The following PHKG2 variants were observed in gnomAD, a reference collection of about 807,000 sequenced individuals.
The protein encoded by PHKG2 is phosphorylase kinase catalytic subunit gamma 2.
In PHKG2, 28 loss-of-function variants were observed where a neutral mutation model predicts 44.5. That is an observed-to-expected ratio of 0.63 (90% CI 0.47 to 0.86). The LOEUF is 0.86. Ranked by LOEUF, PHKG2 falls within the 40% of genes least tolerant of loss-of-function variation. PHKG2 has a pLI of 0.00. For missense variants in PHKG2, 498 were observed against 547.5 expected (o/e 0.91, Z 0.90); for synonymous variants, 220 against 211.2 (o/e 1.04, Z -0.36).
In PHKG2 at chr16:30,760,137, G is replaced by C. The variant is rs1199335849; in HGVS notation, c.*3040G>C. 5 of 1,562,498 alleles carry C rather than the reference G, an allele frequency of 3.2e-6. No homozygotes were observed. The highest frequency in any genetic ancestry group is 3.4e-6 in the Non-Finnish European group (4 of 1,160,622). On this transcript the variant is annotated 3_prime_UTR_variant, in exon 10 of 10. Transcript: ENST00000563588. Reference sequence around the variant, plus strand: ...TTTCTAGATAAGGAAGCAGTGGATTGGAAAGCTGATGGCTTGTGTATGATG... The same window carrying C: ...TTTCTAGATAAGGAAGCAGTGGATTCGAAAGCTGATGGCTTGTGTATGATG...
rs139907701 is a variant in PHKG2 at position 30,759,449 on chromosome 16, A to C, written c.*2352A>C. On this transcript the variant is annotated 3_prime_UTR_variant, in exon 10 of 10. Transcript: ENST00000563588. ...TCCTCTTTGAAGAGGTCGATGCTGA[A>C]AGGAGGCCGCTGTGGTGGTGACTCG... 4.0e-4 allele frequency: 651 copies of C among 1,614,234 alleles called. 2 individuals are homozygous for C. The African/African-American group carries it at 7.6e-3, about 19-fold the overall frequency.
At position 30,749,079 on chromosome 16, in the gene PHKG2, GTGGTGGTGGTGCTGCTGCTGCTGCTGC is replaced by G. The variant is rs1567259450; in HGVS notation, c.95+167_95+193del. Among the ~76,000 whole-genome samples, 4 of 25,676 alleles carry G rather than the reference GTGGTGGTGGTGCTGCTGCTGCTGCTGC, an allele frequency of 1.6e-4. 1 individual carries two copies. Among genetic ancestry groups the G allele is most frequent in the Non-Finnish European group, 3.7e-4 (4 of 10,836 alleles). The allele number at this position is 25,676 out of a possible 152,430, so 16.8% of individuals were successfully genotyped here. ...GGTGGTGGTGGTGGTGGTGGTGGTG[GTGGTGGTGGTGCTGCTGCTGCTGCTGC>G]TGCTGGTGGTGCTGGTGCTGGTGGT... On this transcript the variant is annotated intron_variant, in intron 2 of 9. Transcript: ENST00000563588.
At chr16:30,753,331 AG>A in intron 5 of PHKG2, 34 bp downstream of exon 5, 1 of 1,612,326 alleles carries the variant, frequency 6.2e-7, no homozygotes, top group Non-Finnish European at 8.5e-7. Context: ...AGGGGTGAGC[AG>A]GGGGTGGGAC....
In PHKG2 at chr16:30,756,977, GCA is replaced by G; in HGVS notation, c.1102_1103del (p.Gln368GlufsTer20). ...GGCACTGGGTAAAGAAAGGGGAGCA[GCA>G]GAACCGGGCGGCTCTCTTTCAGCAC... ...YGHWVKKGEQ[Q>X]NRAALFQHRP... On this transcript the variant is annotated frameshift_variant, in exon 10 of 10. Coordinates refer to ENST00000563588, the MANE Select transcript of PHKG2 (RefSeq NM_000294.3). LOFTEE classifies it low-confidence loss of function (END_TRUNC). 1.2e-6 allele frequency: 2 copies of G among 1,612,506 alleles called. No individual in the cohort carries two copies. The highest frequency in any genetic ancestry group is 1.7e-6 in the Non-Finnish European group (2 of 1,180,014).
Position 30,758,933 on chromosome 16 carries a change from G to A in PHKG2, c.*1836G>A. 1 of 1,557,768 alleles carries A rather than the reference G, an allele frequency of 6.4e-7. No homozygotes were observed. Among genetic ancestry groups the A allele is most frequent in the Non-Finnish European group, 8.7e-7 (1 of 1,155,830 alleles). On this transcript the variant is annotated 3_prime_UTR_variant, in exon 10 of 10. Coordinates refer to ENST00000563588, the MANE Select transcript of PHKG2 (RefSeq NM_000294.3). The stretch of plus-strand genomic sequence containing the variant: ...GACTCTGACTAAAAACAAAAAGTCT[G>A]AAGTCCTGATGTCATCCAAACCCTT...
chr16:30,751,271 C>T lies in PHKG2; in HGVS notation c.261C>T (p.His87=). The T allele has an allele frequency of 6.2e-7, 1 of 1,609,722 alleles. No individual in the cohort carries two copies. Among genetic ancestry groups the T allele is most frequent in the Admixed American group, 1.7e-5 (1 of 60,024 alleles). ...ETHILRQVAG[H]PHIITLIDSY... ...ACATCCTTCGCCAGGTCGCCGGCCA[C>T]CCCCACATCAGTGAGGCTGTCTTCC... Residue 87 remains histidine (H), a synonymous_variant, in exon 3 of 10, where the codon CAC becomes CAT. Coordinates refer to ENST00000563588, the MANE Select transcript of PHKG2 (RefSeq NM_000294.3).
Position 30,760,594 on chromosome 16 carries a change from C to T in PHKG2, c.*3497C>T, listed in dbSNP as rs1021648423. ...TGCCAAGAGCTCTTCCCACGCCCCCCTCAGTCCCTACTCCCTCATCTCAGC... is the reference window on the plus strand; with the variant it reads ...TGCCAAGAGCTCTTCCCACGCCCCCTTCAGTCCCTACTCCCTCATCTCAGC... On this transcript the variant is annotated 3_prime_UTR_variant, in exon 10 of 10. Coordinates refer to ENST00000563588, the MANE Select transcript of PHKG2 (RefSeq NM_000294.3). 9 of 1,555,886 alleles carry T rather than the reference C, an allele frequency of 5.8e-6. No individual in the cohort carries two copies. The highest frequency in any genetic ancestry group is 7.8e-6 in the Non-Finnish European group (9 of 1,147,334).
chr16:30,754,914 C>G (rs888268383), intron 6 of PHKG2: 8 of 455,684 alleles, frequency 1.8e-5, no homozygotes, highest in Non-Finnish European at 3.1e-5. Context: ...TCATTTGCCA[C>G]TTGGCAAATC....
Position 30,757,995 on chromosome 16 carries a change from G to T in PHKG2, c.*898G>T. ...GGGAGGATTAAATGAGTTAATTTAT[G>T]TAAAATGCTTAGAGCAGGGCATGCA... On this transcript the variant is annotated 3_prime_UTR_variant, in exon 10 of 10. Transcript: ENST00000563588. 1 of 277,420 alleles carries T rather than the reference G, an allele frequency of 3.6e-6. No individual in the cohort carries two copies. 17.2% of individuals were successfully genotyped at this position (277,420 alleles called of 1,614,324 possible). A position where few individuals can be genotyped will look rare whatever the true frequency, so the allele number is the denominator to read the frequency against.
At chr16:30,754,896 G>A (rs1470573101) in intron 6 of PHKG2, 1 of 455,946 alleles carries the variant, frequency 2.2e-6, no homozygotes, top group Non-Finnish European at 4.4e-6. Context: ...GCTCGGTAAG[G>A]GCTCATCTCA....
In PHKG2 at chr16:30,749,130, G is replaced by GTGC. The variant is rs549087487; in HGVS notation, c.95+217_95+218insCTG. 2.0e-3 allele frequency among the ~76,000 whole-genome samples: 110 copies of GTGC among 55,414 alleles called. 34 individuals carry two copies. Among genetic ancestry groups the GTGC allele is most frequent in the African/African-American group, 9.3e-3 (87 of 9,368 alleles). The allele number at this position is 55,414 out of a possible 152,430, so 36.4% of individuals were successfully genotyped here. ...GCTGCTGGTGGTGCTGGTGCTGGTG[G>GTGC]TGGTGGTGCTGGTGCTGGTGGTGGT... is the stretch of plus-strand genomic sequence containing the variant. On this transcript the variant is annotated intron_variant, in intron 2 of 9. Transcript: ENST00000563588.
intron 4 of PHKG2, 153 bp from the exon 5 acceptor site, chr16:30,753,079 C>A: frequency 1.4e-6 from 1 of 714,174 alleles, no homozygotes; most frequent in Non-Finnish European, 2.5e-6. Context: ...GGCCAAACTG[C>A]CTTGTTGGAG....
Position 30,759,978 on chromosome 16 carries a change from G to T in PHKG2, c.*2881G>T. The T allele has an allele frequency of 1.4e-6, 2 of 1,455,342 alleles. No homozygotes were observed. The highest frequency in any genetic ancestry group is 2.9e-5 in the South Asian group (2 of 68,688). The allele number at this position is 1,455,342 out of a possible 1,614,324, so 90.2% of individuals were successfully genotyped here. A position where few individuals can be genotyped will look rare whatever the true frequency, so the allele number is the denominator to read the frequency against. ...TTCTAGGGGAATAAACCAAGAAATA[G>T]ATCATTTCAGCTATTAAACATTCTG... On this transcript the variant is annotated 3_prime_UTR_variant, in exon 10 of 10. Transcript: ENST00000563588.
chr16:30,750,998 A>C, intron 2 of PHKG2, 108 bp from the exon 3 acceptor site: 1 of 1,165,814 alleles, frequency 8.6e-7, no homozygotes, highest in East Asian at 2.4e-5. Context: ...TGTGATCCAG[A>C]TGGGTCTTCA....
chr16:30,749,106 C>G lies in PHKG2; in HGVS notation c.95+191C>G, dbSNP rs113855068. Among the ~76,000 whole-genome samples the G allele has an allele frequency of 0.9, 45,120 of 50,252 alleles. 21,125 individuals are homozygous for G. The highest frequency in any genetic ancestry group is 0.96 in the East Asian group (2,765 of 2,870). 33.0% of individuals were successfully genotyped at this position (50,252 alleles called of 152,430 possible). On this transcript the variant is annotated intron_variant, in intron 2 of 9. Coordinates refer to ENST00000563588, the MANE Select transcript of PHKG2 (RefSeq NM_000294.3). ...GGTGGTGGTGCTGCTGCTGCTGCTG[C>G]TGCTGGTGGTGCTGGTGCTGGTGGT...
Position 30,759,283 on chromosome 16 carries a change from C to A in PHKG2, c.*2186C>A. 1.9e-6 allele frequency: 3 copies of A among 1,613,680 alleles called. No homozygotes were observed. The highest frequency in any genetic ancestry group is 8.5e-7 in the Non-Finnish European group (1 of 1,179,694). ...AGGCAGAGGGAGGCTGAAAGGAGTG[C>A]ACCTGTGCTGAGGGGAGGGGCGGTT... On this transcript the variant is annotated 3_prime_UTR_variant, in exon 10 of 10. Transcript: ENST00000563588.
intron 2 of PHKG2, 30 bp from the exon 3 acceptor site, chr16:30,751,076 C>G (rs765638211): frequency 1.2e-5 from 19 of 1,610,206 alleles, no homozygotes; most frequent in Non-Finnish European, 1.4e-5. Flanking sequence ...CACAGAGGCC[C>G]TGACTTGTGC....
Position 30,753,639 on chromosome 16 carries a change from G to A in PHKG2, c.556+82G>A, listed in dbSNP as rs1281193989. ...TTGGTTGGCTGGGTCTGAGTACCAA[G>A]TCCCTGGTGCCAAGAAAAAGGGAGA... On this transcript the variant is annotated intron_variant, in intron 6 of 9. Transcript: ENST00000563588. 13 of 1,374,588 alleles carry A rather than the reference G, an allele frequency of 9.5e-6. No individual in the cohort carries two copies. In the East Asian group the frequency reaches 1.6e-4, roughly 17 times the overall value. 85.1% of individuals were successfully genotyped at this position (1,374,588 alleles called of 1,614,324 possible). A position where few individuals can be genotyped will look rare whatever the true frequency, so the allele number is the denominator to read the frequency against.
Position 30,757,367 on chromosome 16 carries a change from AG to A in PHKG2, c.*272del. 6.5e-7 allele frequency: 1 copy of A among 1,539,098 alleles called. No homozygotes were observed. The highest frequency in any genetic ancestry group is 8.7e-7 in the Non-Finnish European group (1 of 1,144,258). ...AAATCTGCTACACGCCAGGGAGAACAGGTGTCCTGTGTCTGTCTGGCTTGGG... is the reference window on the plus strand; with the variant it reads ...AAATCTGCTACACGCCAGGGAGAACAGTGTCCTGTGTCTGTCTGGCTTGGG... On this transcript the variant is annotated 3_prime_UTR_variant, in exon 10 of 10. Transcript: ENST00000563588.
Sources: gnomAD v4.1 joint callset for allele counts (sites outside exome capture counted in the v4.1 genomes callset) on GRCh38, gnomAD v4.1.1 for gene constraint, MANE v1.5 for transcripts, NCBI Gene and HGNC (gene_info 2026-07-23, HGNC 2026-07-21) for gene names.